The following FMR1 variants were observed in gnomAD, a reference collection of about 807,000 sequenced individuals.
The protein encoded by FMR1 is FMRP translational regulator 1.
A neutral mutation model predicts 50.6 loss-of-function variants in FMR1; 13 were observed. That is an observed-to-expected ratio of 0.26 (90% CI 0.17 to 0.41). The LOEUF is 0.41. Among genes scored for constraint, FMR1 ranks in the 10% least tolerant of loss-of-function variants. FMR1 has a pLI of 1.00. For synonymous variants in FMR1, 138 were observed against 164.1 expected (o/e 0.84, Z 1.22); for missense variants, 316 against 491.3 (o/e 0.64, Z 3.37).
chrX:147,939,794 A>C (rs1448993316), intron 12 of FMR1, among the ~76,000 whole-genome samples: 1 of 103,976 alleles, frequency 9.6e-6, no homozygotes, highest in Non-Finnish European at 1.9e-5. Flanking sequence ...GCTATCCAGG[A>C]GGCTGAGGTG....
intron 2 of FMR1, among the ~76,000 whole-genome samples, chrX:147,923,934 C>T (rs1369102941): frequency 8.9e-6 from 1 of 111,869 alleles, no homozygotes; most frequent in Non-Finnish European, 1.9e-5. Context: ...TTTACCCTTT[C>T]TTTCCTTTCA....
rs1421725188 is a variant in FMR1 at position 147,949,668 on chromosome X, A to G, written c.*824A>G. 6.1e-6 allele frequency: 2 copies of G among 329,707 alleles called. No homozygotes were observed. Among genetic ancestry groups the G allele is most frequent in the Non-Finnish European group, 1.2e-5 (2 of 169,905 alleles). 27.2% of individuals were successfully genotyped at this position (329,707 alleles called of 1,213,427 possible). ...ATTTTTCTGTATAGACAGGAGAAGAAAGAACTATCTTCATCTGAGAGAGGC... is the reference window on the plus strand; with the variant it reads ...ATTTTTCTGTATAGACAGGAGAAGAGAGAACTATCTTCATCTGAGAGAGGC... On this transcript the variant is annotated 3_prime_UTR_variant, in exon 17 of 17. Coordinates refer to ENST00000370475, the MANE Select transcript of FMR1 (RefSeq NM_002024.6).
intron 9 of FMR1, among the ~76,000 whole-genome samples, chrX:147,934,260 T>A (rs1349711890): frequency 9.1e-6 from 1 of 109,857 alleles, no homozygotes; most frequent in African/African-American, 3.3e-5. Flanking sequence ...TTCATTAAAG[T>A]TGGTTTTGAA....
At chrX:147,945,121 A>G (rs1409374296) in intron 15 of FMR1, 70 bp downstream of exon 15, 9 of 1,155,213 alleles carry the variant, frequency 7.8e-6, no homozygotes, top group Admixed American at 5.2e-5. Context: ...GAGAAATCCT[A>G]TTGATGCAAT....
At chrX:147,926,613 G>A (rs1376329418) in intron 3 of FMR1, among the ~76,000 whole-genome samples, 1 of 110,551 alleles carries the variant, frequency 9.0e-6, no homozygotes, top group Non-Finnish European at 1.9e-5. Context: ...TCAGCCTCCT[G>A]AGTAGCTGGG....
chrX:147,945,810 A>G (rs2044152592), intron 16 of FMR1, 194 bp downstream of exon 16: 1 of 433,117 alleles, frequency 2.3e-6, no homozygotes, highest in African/African-American at 2.4e-5. Flanking sequence ...GGATTTCTCT[A>G]GAGAATATGC....
In FMR1 at chrX:147,938,097, A is replaced by T. The variant is rs1557180015; in HGVS notation, c.1126-2A>T. The stretch of plus-strand genomic sequence containing the variant: ...TCCCTTGCATTCCTTATACTGCTTT[A>T]GGTGTTAGTGGCTTCATCAGTTGTA... On this transcript the variant is annotated splice_acceptor_variant, in intron 11 of 16. Coordinates refer to ENST00000370475, the MANE Select transcript of FMR1 (RefSeq NM_002024.6). LOFTEE classifies it high-confidence loss of function. 8.3e-7 allele frequency: 1 copy of T among 1,202,782 alleles called. No homozygotes were observed. Among genetic ancestry groups the T allele is most frequent in the South Asian group, 1.8e-5 (1 of 56,792 alleles).
At position 147,945,031 on chromosome X, in the gene FMR1, G is replaced by T; in HGVS notation, c.1634G>T (p.Gly545Val). The T allele has an allele frequency of 1.7e-6, 2 of 1,184,451 alleles. No homozygotes were observed. The highest frequency in any genetic ancestry group is 2.3e-6 in the Non-Finnish European group (2 of 880,130). Reference sequence around the variant, plus strand: ...GGAGGAAGAGGACAAGGAGGAAGAGGACGTGGAGGAGGCTTCAAAGGTATG... The same window carrying T: ...GGAGGAAGAGGACAAGGAGGAAGAGTACGTGGAGGAGGCTTCAAAGGTATG... ...GGGGRGQGGR[G>V]RGGGFKGNDD... Residue 545 changes from glycine to valine, a missense_variant, in exon 15 of 17, where the codon GGA becomes GTA. Physicochemically the swap from Gly to Val is moderately radical, Grantham distance 109. Transcript: ENST00000370475.
At chrX:147,917,436 C>G (rs895337927) in intron 1 of FMR1, among the ~76,000 whole-genome samples, 3 of 112,016 alleles carry the variant, frequency 2.7e-5, no homozygotes, top group African/African-American at 9.7e-5. Flanking sequence ...GATTTATTTC[C>G]TGTTTATTCA....
chrX:147,937,435 TTC>T (rs1491422974), intron 10 of FMR1, 29 bp from the exon 11 acceptor site: 1 of 1,004,621 alleles, frequency 1.0e-6, no homozygotes, highest in South Asian at 1.9e-5. Flanking sequence ...GGTCCTTTTT[TTC>T]TCTTTTGTGT....
chrX:147,948,576 C>G (rs1269784927), intron 16 of FMR1, 107 bp from the exon 17 acceptor site: 8 of 1,174,379 alleles, frequency 6.8e-6, no homozygotes, highest in Admixed American at 2.4e-5. Flanking sequence ...CTCCATTTCT[C>G]TTTTTAACAT....
intron 12 of FMR1, among the ~76,000 whole-genome samples, chrX:147,939,901 T>A (rs1603023938): frequency 1.1e-4 from 6 of 54,182 alleles, no homozygotes; most frequent in African/African-American, 2.4e-4. Flanking sequence ...AGACCCTGTC[T>A]CAAAAAAAAA....
chrX:147,932,959 A>G, intron 9 of FMR1, among the ~76,000 whole-genome samples, 196 bp downstream of exon 9: 1 of 109,735 alleles, frequency 9.1e-6, no homozygotes, highest in South Asian at 4.0e-4. Flanking sequence ...GGTTAGTTAC[A>G]TATGTATACA....
At position 147,949,530 on chromosome X, in the gene FMR1, AT is replaced by A; in HGVS notation, c.*693del. On this transcript the variant is annotated 3_prime_UTR_variant, in exon 17 of 17. Transcript: ENST00000370475. Reference sequence around the variant, plus strand: ...TTATAGAAGAATGCATGCTTTCCATATTTTTTTCCTTACATAAACATCAGGT... The same window carrying A: ...TTATAGAAGAATGCATGCTTTCCATATTTTTTCCTTACATAAACATCAGGT... The A allele has an allele frequency of 6.1e-6, 2 of 329,165 alleles. No homozygotes were observed. The highest frequency in any genetic ancestry group is 5.2e-5 in the South Asian group (2 of 38,460). The allele number at this position is 329,165 out of a possible 1,213,427, so 27.1% of individuals were successfully genotyped here.
intron 12 of FMR1, 152 bp downstream of exon 12, chrX:147,938,313 T>A (rs1449222910): frequency 2.0e-6 from 1 of 506,944 alleles, no homozygotes; most frequent in African/African-American, 2.3e-5. Flanking sequence ...AGTTAAAGCT[T>A]AAACACCTTC....
intron 3 of FMR1, 42 bp downstream of exon 3, chrX:147,925,675 T>G: frequency 3.5e-6 from 3 of 845,153 alleles, no homozygotes; most frequent in East Asian, 6.2e-5. Flanking sequence ...ACTGAAAGAG[T>G]GGGGTTAATT....
At chrX:147,943,730 G>T (rs2044083517) in intron 14 of FMR1, 1 of 131,998 alleles carries the variant, frequency 7.6e-6, no homozygotes, top group Non-Finnish European at 1.5e-5. Context: ...GGCTCATAAG[G>T]TGATTTTGAG....
chrX:147,932,619 T>C lies in FMR1; in HGVS notation c.801+24T>C, dbSNP rs1432231142. On this transcript the variant is annotated intron_variant, in intron 8 of 16. Coordinates refer to ENST00000370475, the MANE Select transcript of FMR1 (RefSeq NM_002024.6). ...AGGTAAATATTTTACTGCATAGTTT[T>C]TTTTTCCCCAAACAAGTATTTCAGC... 3 of 1,197,487 alleles carry C rather than the reference T, an allele frequency of 2.5e-6. No homozygotes were observed. The African/African-American group carries it at 5.3e-5, about 21-fold the overall frequency.
Position 147,949,849 on chromosome X carries a change from T to C in FMR1, c.*1005T>C. 6.1e-6 allele frequency: 2 copies of C among 327,793 alleles called. No homozygotes were observed. The highest frequency in any genetic ancestry group is 1.2e-5 in the Non-Finnish European group (2 of 169,503). The allele number at this position is 327,793 out of a possible 1,213,427, so 27.0% of individuals were successfully genotyped here. A position where few individuals can be genotyped will look rare whatever the true frequency, so the allele number is the denominator to read the frequency against. ...ATTTTTCATATTTTAATTTCAAGCT[T>C]ATTTTGGAGAGATAGGAAGGTCATT... On this transcript the variant is annotated 3_prime_UTR_variant, in exon 17 of 17. Coordinates refer to ENST00000370475, the MANE Select transcript of FMR1 (RefSeq NM_002024.6).
Sources: gnomAD v4.1 joint callset for allele counts (sites outside exome capture counted in the v4.1 genomes callset) on GRCh38, gnomAD v4.1.1 for gene constraint, MANE v1.5 for transcripts, NCBI Gene and HGNC (gene_info 2026-07-23, HGNC 2026-07-21) for gene names.